DLGAP2: variants seen among roughly 807,000 people sequenced by gnomAD.
DLGAP2 encodes disks large-associated protein 2.
A neutral mutation model predicts 100.3 loss-of-function variants in DLGAP2; 26 were observed. The ratio of observed to expected loss-of-function variants is 0.26; its 90% CI spans 0.19 to 0.36. The LOEUF (loss-of-function observed/expected upper bound fraction) is 0.36, where lower values mean the gene tolerates loss of function less well. Ranked by LOEUF, DLGAP2 falls within the 10% of genes least tolerant of loss-of-function variation. DLGAP2 has a pLI of 1.00. For synonymous variants in DLGAP2, 886 were observed against 630.1 expected (o/e 1.41, Z -6.08); for missense variants, 1,858 against 1,453.2 (o/e 1.28, Z -4.53).
chr8:1,566,869 G>A lies in DLGAP2; in HGVS notation c.1442+975G>A, dbSNP rs146588667. Among the ~76,000 whole-genome samples, 16 of 152,310 alleles carry A rather than the reference G, an allele frequency of 1.1e-4. No homozygotes were observed. In the East Asian group the frequency reaches 2.7e-3, roughly 26 times the overall value. ...TTACAAATTAGAACTTCACAAATCC[G>A]AACTCTATCATTGTTGCCTAGTTCA... On this transcript the variant is annotated intron_variant, in intron 6 of 14. Coordinates refer to ENST00000637795, the MANE Select transcript of DLGAP2 (RefSeq NM_001346810.2).
At chr8:1,507,095 GC>G (rs1799947046) in intron 4 of DLGAP2, among the ~76,000 whole-genome samples, 1 of 152,238 alleles carries the variant, frequency 6.6e-6, no homozygotes, top group African/African-American at 2.4e-5. Context: ...CAGGAGCCCA[GC>G]TGGCTTCACC....
chr8:859,149 T>C (rs1237615249), intron 1 of DLGAP2, among the ~76,000 whole-genome samples: 1 of 151,814 alleles, frequency 6.6e-6, no homozygotes, highest in Non-Finnish European at 1.5e-5. Flanking sequence ...TCTCGCTCTA[T>C]TGCCCAGGCT....
chr8:1,282,722 GCCC>G (rs2116951832), intron 3 of DLGAP2, among the ~76,000 whole-genome samples: 1 of 123,398 alleles, frequency 8.1e-6, no homozygotes, highest in Non-Finnish European at 1.7e-5. Context: ...TGAACCCAGC[GCCC>G]TGAACCATCT....
Position 1,277,610 on chromosome 8 carries a change from C to T in DLGAP2, c.106+18727C>T, listed in dbSNP as rs190165797. ...CAGTATCAGCCAGGTAGGTCAGCAT[C>T]GGAGTATCGAAGTATCAGCCAGGCA... is the stretch of plus-strand genomic sequence containing the variant. On this transcript the variant is annotated intron_variant, in intron 3 of 14. Coordinates refer to ENST00000637795, the MANE Select transcript of DLGAP2 (RefSeq NM_001346810.2). 2.4e-3 allele frequency among the ~76,000 whole-genome samples: 363 copies of T among 152,242 alleles called. 3 individuals are homozygous for T. The highest frequency in any genetic ancestry group is 8.5e-3 in the African/African-American group (354 of 41,524).
intron 1 of DLGAP2, among the ~76,000 whole-genome samples, chr8:803,118 G>A (rs1046059382): frequency 4.6e-5 from 7 of 152,110 alleles, no homozygotes; most frequent in African/African-American, 1.7e-4. Context: ...GGCTCCCACG[G>A]CTCCTGGCTT....
intron 3 of DLGAP2, among the ~76,000 whole-genome samples, chr8:1,299,054 C>A (rs550629814): frequency 6.6e-6 from 1 of 152,218 alleles, no homozygotes; most frequent in Non-Finnish European, 1.5e-5. Context: ...ACCAGTGCTG[C>A]CAGCAGAGAA....
intron 3 of DLGAP2, among the ~76,000 whole-genome samples, chr8:1,373,370 C>G (rs1332136890): frequency 1.6e-4 from 25 of 152,068 alleles, no homozygotes; most frequent in Admixed American, 1.6e-3. Context: ...GCAGGTTGGG[C>G]AGCGCCAGAC....
chr8:1,208,869 T>A (rs1327252607), intron 2 of DLGAP2, among the ~76,000 whole-genome samples: 1 of 71,604 alleles, frequency 1.4e-5, no homozygotes, highest in South Asian at 3.5e-4. Context: ...GCTGCAAAAA[T>A]AAATAAATAA....
intron 1 of DLGAP2, among the ~76,000 whole-genome samples, chr8:793,679 T>G (rs1384974974): frequency 1.3e-5 from 2 of 152,260 alleles, no homozygotes; most frequent in African/African-American, 4.8e-5. Flanking sequence ...TTTTGTGCAA[T>G]TTCCTTATAG....
intron 1 of DLGAP2, among the ~76,000 whole-genome samples, chr8:770,244 G>T (rs912721159): frequency 6.6e-6 from 1 of 152,146 alleles, no homozygotes; most frequent in Non-Finnish European, 1.5e-5. Flanking sequence ...CTCGTCAGGG[G>T]TGAGGGAGAG....
chr8:1,211,397 T>G lies in DLGAP2; in HGVS notation c.74-47454T>G, dbSNP rs535099285. ...AGATAGATGCACAGAAAAACAACTT[T>G]GGGTGCAGCAAAAAGGATTTCGCTT... On this transcript the variant is annotated intron_variant, in intron 2 of 14. Transcript: ENST00000637795. 8.5e-5 allele frequency among the ~76,000 whole-genome samples: 13 copies of G among 152,348 alleles called. No homozygotes were observed. In the South Asian group the frequency reaches 2.7e-3, roughly 32 times the overall value.
At chr8:1,139,633 G>A (rs543559925) in intron 2 of DLGAP2, among the ~76,000 whole-genome samples, 4 of 152,280 alleles carry the variant, frequency 2.6e-5, no homozygotes, top group African/African-American at 9.6e-5. Context: ...AAGCCCACAG[G>A]TCACTAATTA....
At chr8:981,427 T>C (rs1800328346) in intron 2 of DLGAP2, among the ~76,000 whole-genome samples, 1 of 152,102 alleles carries the variant, frequency 6.6e-6, no homozygotes, top group Non-Finnish European at 1.5e-5. Context: ...CTGCTTGTGA[T>C]TCTTTGGCTT....
chr8:841,495 C>T (rs899394194), intron 1 of DLGAP2, among the ~76,000 whole-genome samples: 11 of 152,156 alleles, frequency 7.2e-5, no homozygotes, highest in South Asian at 2.1e-4. Context: ...TTCAAGAACA[C>T]GACCCGGTTA....
At chr8:1,555,210 G>T (rs572444572) in intron 5 of DLGAP2, among the ~76,000 whole-genome samples, 1 of 152,112 alleles carries the variant, frequency 6.6e-6, no homozygotes, top group Non-Finnish European at 1.5e-5. Flanking sequence ...GCACAACCCT[G>T]CACAATCCTT....
chr8:804,155 C>T (rs528441294), intron 1 of DLGAP2, among the ~76,000 whole-genome samples: 56 of 152,156 alleles, frequency 3.7e-4, no homozygotes, highest in Admixed American at 1.6e-3. Context: ...CTTTAAAAAC[C>T]AGAGGGAGAA....
chr8:1,138,149 G>A (rs1451818760), intron 2 of DLGAP2, among the ~76,000 whole-genome samples: 1 of 152,262 alleles, frequency 6.6e-6, no homozygotes, highest in African/African-American at 2.4e-5. Flanking sequence ...ATGGATTTGA[G>A]GGGAAACGGG....
intron 2 of DLGAP2, among the ~76,000 whole-genome samples, chr8:1,231,733 A>G (rs772093444): frequency 6.6e-6 from 1 of 152,196 alleles, no homozygotes; most frequent in Non-Finnish European, 1.5e-5. Context: ...GGAACAGAAA[A>G]TCAAATAGTG....
chr8:1,235,513 C>T (rs989770066), intron 2 of DLGAP2, among the ~76,000 whole-genome samples: 1 of 151,370 alleles, frequency 6.6e-6, no homozygotes, highest in South Asian at 2.1e-4. Context: ...GTCTAGTTCT[C>T]TCTCACACAG....
Sources: gnomAD v4.1 joint callset for allele counts (sites outside exome capture counted in the v4.1 genomes callset) on GRCh38, gnomAD v4.1.1 for gene constraint, MANE v1.5 for transcripts, NCBI Gene and HGNC (gene_info 2026-07-23, HGNC 2026-07-21) for gene names.